Variants in NAALADL2 observed in about 807,000 individuals in gnomAD.
The protein encoded by NAALADL2 is inactive N-acetylated-alpha-linked acidic dipeptidase-like protein 2.
A neutral mutation model predicts 87.2 loss-of-function variants in NAALADL2; 76 were observed. The observed-to-expected ratio is 0.87, with a 90% CI of 0.72 to 1.05. The LOEUF (loss-of-function observed/expected upper bound fraction) is 1.05. Among genes scored for constraint, NAALADL2 ranks in the 50% least tolerant of loss-of-function variants. The pLI, the probability that NAALADL2 is intolerant of heterozygous loss-of-function variation, is 0.00. For synonymous variants in NAALADL2, 354 were observed against 331.0 expected (o/e 1.07, Z -0.75); for missense variants, 1,089 against 945.8 (o/e 1.15, Z -1.99).
intron 10 of NAALADL2, among the ~76,000 whole-genome samples, chr3:175,598,954 A>G (rs77909240): frequency 8.6e-4 from 131 of 152,262 alleles, no homozygotes; most frequent in African/African-American, 3.0e-3. Context: ...TTACAAGTTG[A>G]AACACATTTG....
chr3:175,119,536 G>C (rs1725794878), intron 2 of NAALADL2, among the ~76,000 whole-genome samples: 1 of 151,032 alleles, frequency 6.6e-6, no homozygotes, highest in African/African-American at 2.4e-5. Context: ...GAGAGGGAGA[G>C]AGAGAGTGAG....
chr3:175,712,022 G>A (rs1740597426), intron 11 of NAALADL2, among the ~76,000 whole-genome samples: 1 of 151,776 alleles, frequency 6.6e-6, no homozygotes, highest in African/African-American at 2.4e-5. Flanking sequence ...TTAAGGAGAA[G>A]CATATGATAT....
chr3:175,221,661 T>G (rs764964408), intron 2 of NAALADL2, among the ~76,000 whole-genome samples: 1 of 152,146 alleles, frequency 6.6e-6, no homozygotes, highest in Admixed American at 6.6e-5. Context: ...CTGTTTTTAT[T>G]TAATAACTCA....
chr3:174,978,049 A>G (rs1744596112), intron 1 of NAALADL2, among the ~76,000 whole-genome samples: 1 of 152,234 alleles, frequency 6.6e-6, no homozygotes, highest in African/African-American at 2.4e-5. Flanking sequence ...TGTGCACCTC[A>G]CAACCAGGAG....
At chr3:174,987,431 T>C (rs1443841924) in intron 1 of NAALADL2, among the ~76,000 whole-genome samples, 3 of 146,454 alleles carry the variant, frequency 2.0e-5, no homozygotes, top group Non-Finnish European at 3.0e-5. Flanking sequence ...TAGCCGGGCG[T>C]AGTGGCGGGC....
intron 1 of NAALADL2, among the ~76,000 whole-genome samples, chr3:174,928,711 T>C (rs1736447794): frequency 6.6e-6 from 1 of 152,222 alleles, no homozygotes; most frequent in African/African-American, 2.4e-5. Flanking sequence ...TTATAAAGTA[T>C]AGTTAAATTA....
intron 10 of NAALADL2, among the ~76,000 whole-genome samples, chr3:175,596,852 C>T (rs1024440741): frequency 1.3e-5 from 2 of 151,888 alleles, no homozygotes; most frequent in African/African-American, 4.8e-5. Flanking sequence ...TCCATATCTG[C>T]AGTCAAACTT....
chr3:174,795,727 T>C (rs11712784), intron 3 of NAALADL2, among the ~76,000 whole-genome samples: 71,314 of 151,978 alleles, frequency 0.47, 17,055 homozygotes, highest in African/African-American at 0.54. Context: ...ATAGTATAGC[T>C]ATCCTAATGA....
chr3:174,512,258 AGT>A (rs1578057749), intron 1 of NAALADL2, among the ~76,000 whole-genome samples: 1 of 152,144 alleles, frequency 6.6e-6, no homozygotes, highest in East Asian at 1.9e-4. Flanking sequence ...GTCTTCTTTT[AGT>A]GCTTTAAAGT....
chr3:175,741,155 T>C (rs1207136052), intron 12 of NAALADL2, among the ~76,000 whole-genome samples: 2 of 152,176 alleles, frequency 1.3e-5, no homozygotes, highest in African/African-American at 4.8e-5. Flanking sequence ...CTGGATGGCT[T>C]ATCAACAACA....
intron 10 of NAALADL2, among the ~76,000 whole-genome samples, chr3:175,579,362 AC>A (rs766073558): frequency 2.0e-5 from 3 of 152,160 alleles, no homozygotes; most frequent in Non-Finnish European, 4.4e-5. Context: ...TGTCAAAAAA[AC>A]ATGACATTTT....
intron 5 of NAALADL2, among the ~76,000 whole-genome samples, chr3:175,437,121 T>C (rs1275155643): frequency 2.6e-5 from 4 of 151,136 alleles, no homozygotes; most frequent in African/African-American, 9.7e-5. Flanking sequence ...CTTTCCCCAT[T>C]GCTTGTTTTT....
intron 2 of NAALADL2, among the ~76,000 whole-genome samples, chr3:175,159,754 G>A (rs1175192106): frequency 6.6e-6 from 1 of 151,982 alleles, no homozygotes; most frequent in Non-Finnish European, 1.5e-5. Context: ...AGTAATAAAA[G>A]ATGTAGCAAA....
intron 9 of NAALADL2, among the ~76,000 whole-genome samples, chr3:175,575,325 C>T (rs1179128864): frequency 6.6e-6 from 1 of 151,932 alleles, no homozygotes; most frequent in Non-Finnish European, 1.5e-5. Context: ...GCTCTTGTTG[C>T]CCAGCCTGGA....
intron 5 of NAALADL2, among the ~76,000 whole-genome samples, chr3:175,367,076 A>G (rs979403624): frequency 6.6e-6 from 1 of 151,252 alleles, no homozygotes; most frequent in African/African-American, 2.4e-5. Flanking sequence ...CTTTCTACAT[A>G]TGGCTAGCCA....
intron 10 of NAALADL2, among the ~76,000 whole-genome samples, chr3:175,622,870 G>C (rs898887450): frequency 6.6e-6 from 1 of 151,980 alleles, no homozygotes. Flanking sequence ...AGCAGACAAG[G>C]TTTTAGTAAT....
At chr3:174,846,208 G>C (rs1326958985) in intron 3 of NAALADL2, among the ~76,000 whole-genome samples, 1 of 152,194 alleles carries the variant, frequency 6.6e-6, no homozygotes, top group Non-Finnish European at 1.5e-5. Flanking sequence ...CTGCAGGAGA[G>C]ATAGTGTGGC....
intron 11 of NAALADL2, among the ~76,000 whole-genome samples, chr3:175,629,708 TG>T (rs1209713750): frequency 4.6e-5 from 7 of 151,736 alleles, no homozygotes; most frequent in Middle Eastern, 3.2e-3. Flanking sequence ...CCTGAAGTCT[TG>T]GCCACACTTA....
chr3:174,832,823 C>T (rs1402283557), intron 3 of NAALADL2, among the ~76,000 whole-genome samples: 1 of 152,140 alleles, frequency 6.6e-6, no homozygotes. Context: ...CTAATTTGTT[C>T]AAGGTCATAC....
Sources: gnomAD v4.1 joint callset for allele counts (sites outside exome capture counted in the v4.1 genomes callset) on GRCh38, gnomAD v4.1.1 for gene constraint, MANE v1.5 for transcripts, NCBI Gene and HGNC (gene_info 2026-07-23, HGNC 2026-07-21) for gene names.